Variants in TOP2B observed in about 807,000 individuals in gnomAD.
The protein encoded by TOP2B is DNA topoisomerase 2-beta.
TOP2B carries 51 observed loss-of-function variants against 193.5 expected under a neutral mutation model. That is an observed-to-expected ratio of 0.26 (90% CI 0.21 to 0.33). TOP2B has a LOEUF of 0.33. TOP2B is among the 10% of genes least tolerant of loss of function. The pLI is 1.00. For synonymous variants in TOP2B, 634 were observed against 635.7 expected, an observed-to-expected ratio of 1.00 and a Z score of 0.04; for missense variants, 1,378 against 1,909.3, an observed-to-expected ratio of 0.72 and a Z score of 5.19.
At position 25,622,894 on chromosome 3, in the gene TOP2B, G is replaced by A. The variant is rs573949986; in HGVS notation, c.2727+621C>T. The stretch of plus-strand genomic sequence containing the variant: ...TGACCTCAGGTGATCCACCCACCTC[G>A]GCCTCCAAAGTGCTGGGATTACAGG... On this transcript the variant is annotated intron_variant, in intron 21 of 35. Transcript: ENST00000264331. Among the ~76,000 whole-genome samples the A allele has an allele frequency of 1.6e-4, 25 of 152,208 alleles. No homozygotes were observed. The South Asian group carries it at 3.7e-3, about 23-fold the overall frequency.
chr3:25,614,966 A>G (rs73051964), intron 27 of TOP2B, among the ~76,000 whole-genome samples: 1 of 151,712 alleles, frequency 6.6e-6, no homozygotes, highest in African/African-American at 2.4e-5. Flanking sequence ...TCAGTTAAAA[A>G]TTTTTAACTA....
intron 7 of TOP2B, 104 bp downstream of exon 7, chr3:25,635,832 A>G (rs1041692648): frequency 3.5e-6 from 3 of 854,884 alleles, no homozygotes; most frequent in Non-Finnish European, 3.6e-6. Context: ...TCATCTGAAC[A>G]CACCAGTAAA....
chr3:25,627,325 C>A, intron 15 of TOP2B, 29 bp from the exon 16 acceptor site: 1 of 1,408,966 alleles, frequency 7.1e-7, no homozygotes, highest in South Asian at 1.3e-5. Flanking sequence ...AAAAGTGAGT[C>A]ATGAATATCA....
chr3:25,638,314 TAAAAAAAAAAAAAAAAAAAAAAAAAAAA>T lies in TOP2B; in HGVS notation c.396-32_396-5del. ...AATGCTTATAATGTTAGATTCACTGTAAAAAAAAAAAAAAAAAAAAAAAAAAAAAAAAAAAAAAGCAGAATTTAGAGCT... is the reference window on the plus strand; with the variant it reads ...AATGCTTATAATGTTAGATTCACTGTAAAAAAAAAAGCAGAATTTAGAGCT... On this transcript the variant is annotated splice_region_variant and splice_polypyrimidine_tract_variant and intron_variant, in intron 4 of 35. Coordinates refer to ENST00000264331, the MANE Select transcript of TOP2B (RefSeq NM_001330700.2). The T allele has an allele frequency of 2.3e-5, 3 of 130,422 alleles. No individual in the cohort carries two copies. Among genetic ancestry groups the T allele is most frequent in the Non-Finnish European group, 3.1e-5 (3 of 95,694 alleles). The allele number at this position is 130,422 out of a possible 1,614,324, so 8.1% of individuals were successfully genotyped here.
chr3:25,658,303 C>T (rs542571519), intron 1 of TOP2B, among the ~76,000 whole-genome samples: 1 of 151,438 alleles, frequency 6.6e-6, no homozygotes, highest in Non-Finnish European at 1.5e-5. Flanking sequence ...TTGAGACTAA[C>T]GATTGAAAAC....
intron 1 of TOP2B, among the ~76,000 whole-genome samples, chr3:25,656,416 G>T (rs1052915042): frequency 6.6e-6 from 1 of 152,046 alleles, no homozygotes; most frequent in African/African-American, 2.4e-5. Context: ...CAGCCTGGGT[G>T]ATAGCAAGCC....
intron 21 of TOP2B, among the ~76,000 whole-genome samples, chr3:25,621,468 C>G (rs991230753): frequency 6.6e-6 from 1 of 152,018 alleles, no homozygotes; most frequent in Non-Finnish European, 1.5e-5. Flanking sequence ...CTCAAAGGAT[C>G]CTCCCACCTC....
At chr3:25,647,614 TA>T (rs61293801) in intron 1 of TOP2B, among the ~76,000 whole-genome samples, 43,256 of 144,452 alleles carry the variant, frequency 0.3, 6,291 homozygotes, top group African/African-American at 0.34. Flanking sequence ...CACACAGGGA[TA>T]AAAAAAAAAA....
At chr3:25,642,262 T>C (rs1320668118) in intron 4 of TOP2B, 60 bp downstream of exon 4, 5 of 1,016,562 alleles carry the variant, frequency 4.9e-6, no homozygotes, top group African/African-American at 1.6e-5. Flanking sequence ...GGAGTACTCA[T>C]AAATTGGGGA....
At chr3:25,619,184 T>G (rs1369602) in intron 23 of TOP2B, among the ~76,000 whole-genome samples, 1 of 151,950 alleles carries the variant, frequency 6.6e-6, no homozygotes, top group Non-Finnish European at 1.5e-5. Flanking sequence ...AAAACATACA[T>G]ATTCTATTGC....
In TOP2B at chr3:25,664,164, G is replaced by C. The variant is rs866944171; in HGVS notation, c.69+65C>G. The C allele has an allele frequency of 2.6e-5, 39 of 1,527,774 alleles. No individual in the cohort carries two copies. The Middle Eastern group carries it at 1.0e-3, about 39-fold the overall frequency. 94.6% of individuals were successfully genotyped at this position (1,527,774 alleles called of 1,614,324 possible). ...TCCCTTTCCCCTCCCCCGCCCGTTC[G>C]GAATTCCGCCCCCGCCGCGGGCCCG... On this transcript the variant is annotated intron_variant, in intron 1 of 35. Coordinates refer to ENST00000264331, the MANE Select transcript of TOP2B (RefSeq NM_001330700.2).
At chr3:25,650,149 CTT>C (rs1372487693) in intron 1 of TOP2B, among the ~76,000 whole-genome samples, 21 of 152,180 alleles carry the variant, frequency 1.4e-4, no homozygotes, top group East Asian at 7.7e-4. Flanking sequence ...TAAAATTGCT[CTT>C]GTTTGATGAA....
At chr3:25,599,324 G>T in intron 35 of TOP2B, 111 bp downstream of exon 35, 2 of 860,746 alleles carry the variant, frequency 2.3e-6, no homozygotes, top group South Asian at 1.8e-5. Context: ...ATATTGATAC[G>T]AGATGCTAGG....
chr3:25,613,326 AT>A (rs1702427286), intron 27 of TOP2B, among the ~76,000 whole-genome samples: 1 of 152,172 alleles, frequency 6.6e-6, no homozygotes, highest in African/African-American at 2.4e-5. Context: ...TTCTTTAGAG[AT>A]TTTTTTAAAA....
chr3:25,636,128 C>A lies in TOP2B; in HGVS notation c.660G>T (p.Met220Ile). The change falls in exon 7 of 36, where the codon ATG becomes ATT. Residue 220 changes from methionine to isoleucine, a missense_variant. Around this residue, in one of 9 missense-constraint regions of TOP2B, gnomAD observed 222 missense variants for 306.6 expected, o/e 0.72. Transcript: ENST00000264331. The part of the protein sequence containing the change: ...SFKQTWMNNM[M>I]KTSEAKIKHF... Reference sequence around the variant, plus strand: ...GTTTAATTTTGGCTTCAGAAGTCTTCATCATATTATTCATCCATGTCTTTA... The same window carrying A: ...GTTTAATTTTGGCTTCAGAAGTCTTAATCATATTATTCATCCATGTCTTTA... The A allele has an allele frequency of 6.3e-7, 1 of 1,591,668 alleles. No individual in the cohort carries two copies. The highest frequency in any genetic ancestry group is 1.3e-5 in the African/African-American group (1 of 74,594).
chr3:25,628,900 T>C lies in TOP2B; in HGVS notation c.1853A>G (p.Glu618Gly), dbSNP rs1198127705. Residue 618 changes from glutamate (E) to glycine (G), a missense_variant, in exon 15 of 36, where the codon GAA (glutamate) becomes GGA (glycine). Coordinates refer to ENST00000264331, the MANE Select transcript of TOP2B (RefSeq NM_001330700.2). Reference sequence around the variant, plus strand: ...CTGGTTTTCTATATGTTTTTTCCATTCGTCAAATTCAGGAATACTGTAGAA... The same window carrying C: ...CTGGTTTTCTATATGTTTTTTCCATCCGTCAAATTCAGGAATACTGTAGAA... ...LSFYSIPEFD[E>G]WKKHIENQKA... 1.3e-6 allele frequency: 2 copies of C among 1,599,230 alleles called. No individual in the cohort carries two copies. Among genetic ancestry groups the C allele is most frequent in the Admixed American group, 3.5e-5 (2 of 56,928 alleles).
At chr3:25,598,585 T>C (rs1469574229) in intron 35 of TOP2B, 108 bp from the exon 36 acceptor site, 6 of 814,682 alleles carry the variant, frequency 7.4e-6, no homozygotes, top group Non-Finnish European at 1.0e-5. Context: ...TTACAAATAA[T>C]GGTGCTTTTA....
intron 8 of TOP2B, 42 bp from the exon 9 acceptor site, chr3:25,632,836 T>C (rs372455763): frequency 6.6e-7 from 1 of 1,511,642 alleles, no homozygotes; most frequent in African/African-American, 1.4e-5. Context: ...TCCTGTATTG[T>C]TAAAGTAGCA....
rs548454252 is a variant in TOP2B at position 25,617,224 on chromosome 3, T to TA, written c.3351+1193dup. The stretch of plus-strand genomic sequence containing the variant: ...TCATCAGCTTACTAGTTACTTTTTT[T>TA]AAAAAAAAACATATAGTTTAAACCA... On this transcript the variant is annotated intron_variant, in intron 25 of 35. Transcript: ENST00000264331. Among the ~76,000 whole-genome samples the TA allele has an allele frequency of 2.6e-3, 399 of 151,540 alleles. 1 individual carries two copies. The highest frequency in any genetic ancestry group is 0.011 in the South Asian group (53 of 4,802).
Sources: gnomAD v4.1 joint callset for allele counts (sites outside exome capture counted in the v4.1 genomes callset) on GRCh38, gnomAD v4.1.1 for gene constraint, gnomAD v4.1.1 regional missense constraint, MANE v1.5 for transcripts, NCBI Gene and HGNC (gene_info 2026-07-23, HGNC 2026-07-21) for gene names.